Variants in LGALS14 observed in about 807,000 individuals in gnomAD.
LGALS14 encodes the protein galectin 14.
LGALS14 carries 14 observed loss-of-function variants against 14.6 expected under a neutral mutation model. That is an observed-to-expected ratio of 0.96 (90% CI 0.64 to 1.50). LGALS14 has a LOEUF of 1.50. LGALS14 is among the 40% of genes most tolerant of loss of function. LGALS14 has a pLI of 0.00. For synonymous variants in LGALS14, 57 were observed against 63.9 expected (o/e 0.89, Z 0.51); for missense variants, 180 against 172.0 (o/e 1.05, Z -0.26).
At chr19:39,707,496 C>T in intron 3 of LGALS14, 108 bp downstream of exon 3, 2 of 860,850 alleles carry the variant, frequency 2.3e-6, no homozygotes. Context: ...TCTTCCATAA[C>T]TATTCCTGTT....
At position 39,709,409 on chromosome 19, in the gene LGALS14, C is replaced by T. The variant is rs1191122319; in HGVS notation, c.*96C>T. 5 of 721,622 alleles carry T rather than the reference C, an allele frequency of 6.9e-6. No individual in the cohort carries two copies. Among genetic ancestry groups the T allele is most frequent in the Non-Finnish European group, 1.2e-5 (5 of 403,834 alleles). The allele number at this position is 721,622 out of a possible 1,614,324, so 44.7% of individuals were successfully genotyped here. A position where few individuals can be genotyped will look rare whatever the true frequency, so the allele number is the denominator to read the frequency against. On this transcript the variant is annotated 3_prime_UTR_variant, in exon 4 of 4. Transcript: ENST00000392052. ...CTAACAGAATAATCCCTCCTCACCC[C>T]TTCCCCTACACTTGATCATTAAAAC...
At chr19:39,708,774 C>A (rs1190908796) in intron 3 of LGALS14, among the ~76,000 whole-genome samples, 14 of 152,196 alleles carry the variant, frequency 9.2e-5, no homozygotes. Context: ...CAAAGAGGAA[C>A]TGTGCCATCA....
In LGALS14 at chr19:39,709,425, T is replaced by G; in HGVS notation, c.*112T>G. On this transcript the variant is annotated 3_prime_UTR_variant, in exon 4 of 4. Transcript: ENST00000392052. The stretch of plus-strand genomic sequence containing the variant: ...TCCTCACCCCTTCCCCTACACTTGA[T>G]CATTAAAACAGCACCAAACTTCACA... 4.5e-6 allele frequency: 3 copies of G among 665,370 alleles called. No homozygotes were observed. The South Asian group carries it at 5.3e-5, about 12-fold the overall frequency. 41.2% of individuals were successfully genotyped at this position (665,370 alleles called of 1,614,324 possible). A position where few individuals can be genotyped will look rare whatever the true frequency, so the allele number is the denominator to read the frequency against.
intron 1 of LGALS14, chr19:39,705,971 C>T (rs35541195): frequency 0.11 from 179,245 of 1,613,500 alleles, 11,127 homozygotes; most frequent in Non-Finnish European, 0.13. Flanking sequence ...TAATGTGTGC[C>T]GCTTCTGGGA....
chr19:39,706,013 C>G (rs745729402), intron 1 of LGALS14: 2 of 1,613,500 alleles, frequency 1.2e-6, no homozygotes, highest in Middle Eastern at 1.7e-4. Context: ...GATTGTGGTG[C>G]GTGTACATCC....
Position 39,707,328 on chromosome 19 carries a change from A to T in LGALS14, c.243A>T (p.Leu81Phe). The T allele has an allele frequency of 6.2e-7, 1 of 1,614,084 alleles. No homozygotes were observed. The highest frequency in any genetic ancestry group is 1.1e-5 in the South Asian group (1 of 91,084). Residue 81 changes from leucine to phenylalanine, a missense_variant, in exon 3 of 4, where the codon TTA becomes TTT. By Grantham distance (22) the Leu-to-Phe change is conservative. Transcript: ENST00000392052. ...GATATGAGGAGAAATGCTACTATTT[A>T]CCCTTTGAAGATGGCAAACCATTTG... The part of the protein sequence containing the change: ...IWRYEEKCYY[L>F]PFEDGKPFEL...
chr19:39,706,635 G>C lies in LGALS14; in HGVS notation c.54G>C (p.Ser18=). 6.2e-7 allele frequency: 1 copy of C among 1,613,952 alleles called. No homozygotes were observed. Among genetic ancestry groups the C allele is most frequent in the Non-Finnish European group, 8.5e-7 (1 of 1,179,876 alleles). Residue 18 remains serine (S), a synonymous_variant, in exon 2 of 4, where the codon TCG becomes TCC. Transcript: ENST00000392052. The stretch of plus-strand genomic sequence containing the variant: ...TGCCTGTTTCCTTGCCTGTTGGTTC[G>C]TGCGTGATAATCACAGGGACACCGA... ...YTLPVSLPVG[S]CVIITGTPIL...
chr19:39,708,616 C>A (rs145805732), intron 3 of LGALS14, among the ~76,000 whole-genome samples: 39 of 152,292 alleles, frequency 2.6e-4, no homozygotes, highest in African/African-American at 7.7e-4. Context: ...AGATTCACAT[C>A]TTATTCAGAT....
In LGALS14 at chr19:39,709,231, C is replaced by A. The variant is rs1024016388; in HGVS notation, c.338C>A (p.Ala113Asp). 2 of 1,613,130 alleles carry A rather than the reference C, an allele frequency of 1.2e-6. No homozygotes were observed. The highest frequency in any genetic ancestry group is 1.1e-5 in the South Asian group (1 of 91,048). Residue 113 changes from alanine (A) to aspartate (D), a missense_variant, in exon 4 of 4, where the codon GCC (alanine) becomes GAC (aspartate). By Grantham distance (126) the Ala-to-Asp change is moderately radical. Coordinates refer to ENST00000392052, the MANE Select transcript of LGALS14 (RefSeq NM_020129.3). ...AATGGCCAACGCATTTACAACTTTG[C>A]CCATCGATTCCCGCCAGCATCTGTG... ...MVNGQRIYNF[A>D]HRFPPASVKM... is the part of the protein sequence containing the mutation.
At chr19:39,707,065 C>G (rs750788215) in intron 2 of LGALS14, 113 bp from the exon 3 acceptor site, 19 of 796,370 alleles carry the variant, frequency 2.4e-5, no homozygotes, top group Admixed American at 4.0e-5. Context: ...ACTGCAGTAT[C>G]ATCGGGGAGA....
rs1385226108 is a variant in LGALS14, at chr19:39,709,063, G to C, written c.304-134G>C. ...AAACATAGCCTGTAAAATCACAGAA[G>C]TGTGTCTACTAGGTTCACTTGTGTA... is the stretch of plus-strand genomic sequence containing the variant. On this transcript the variant is annotated intron_variant, in intron 3 of 3. Coordinates refer to ENST00000392052, the MANE Select transcript of LGALS14 (RefSeq NM_020129.3). 33 of 697,902 alleles carry C rather than the reference G, an allele frequency of 4.7e-5. No homozygotes were observed. In the East Asian group the frequency reaches 7.7e-4, roughly 16 times the overall value. The allele number at this position is 697,902 out of a possible 1,614,324, so 43.2% of individuals were successfully genotyped here. A position where few individuals can be genotyped will look rare whatever the true frequency, so the allele number is the denominator to read the frequency against.
At chr19:39,706,331 A>C (rs551903830) in intron 1 of LGALS14, among the ~76,000 whole-genome samples, 6 of 152,138 alleles carry the variant, frequency 3.9e-5, no homozygotes, top group Admixed American at 2.0e-4. Context: ...AGGCAGGGAG[A>C]GGTTAAGTAA....
intron 1 of LGALS14, among the ~76,000 whole-genome samples, 197 bp from the exon 2 acceptor site, chr19:39,706,400 G>A (rs1161833536): frequency 1.3e-5 from 2 of 152,098 alleles, no homozygotes; most frequent in South Asian, 2.1e-4. Flanking sequence ...CCAGGCATCC[G>A]GGCTCTTGAA....
At chr19:39,705,897 T>C (rs1451302523) in intron 1 of LGALS14, 1 of 1,612,378 alleles carries the variant, frequency 6.2e-7, no homozygotes, top group South Asian at 1.1e-5. Flanking sequence ...AATCAATCAT[T>C]CCCTCCAGTT....
chr19:39,706,970 C>T (rs1017059328), intron 2 of LGALS14, among the ~76,000 whole-genome samples: 3 of 152,182 alleles, frequency 2.0e-5, no homozygotes, highest in East Asian at 1.9e-4. Flanking sequence ...CACTGACTGG[C>T]GCTCAGTTTT....
chr19:39,709,035 A>G (rs1973758562), intron 3 of LGALS14, among the ~76,000 whole-genome samples, 162 bp from the exon 4 acceptor site: 1 of 152,180 alleles, frequency 6.6e-6, no homozygotes, highest in Non-Finnish European at 1.5e-5. Context: ...TCAAATAGGC[A>G]CGAAACATAG....
intron 1 of LGALS14, among the ~76,000 whole-genome samples, 181 bp from the exon 2 acceptor site, chr19:39,706,416 G>C (rs1973715406): frequency 6.6e-6 from 1 of 152,088 alleles, no homozygotes; most frequent in Non-Finnish European, 1.5e-5. Flanking sequence ...TTGAACAATT[G>C]CTCTTACCTA....
rs754821791 is a variant in LGALS14, at chr19:39,706,700, G to A, written c.92+27G>A. On this transcript the variant is annotated intron_variant, in intron 2 of 3. Transcript: ENST00000392052. ...TGAGTACTCCATGGTCCAATGGAGGGGGTGGAGGAGAGAAGGGAGAATATT... is the reference window on the plus strand; with the variant it reads ...TGAGTACTCCATGGTCCAATGGAGGAGGTGGAGGAGAGAAGGGAGAATATT... The A allele has an allele frequency of 7.9e-6, 12 of 1,517,148 alleles. No individual in the cohort carries two copies. The African/African-American group carries it at 1.5e-4, about 19-fold the overall frequency. 94.0% of individuals were successfully genotyped at this position (1,517,148 alleles called of 1,614,324 possible).
At chr19:39,707,098 G>T (rs1273011286) in intron 2 of LGALS14, 80 bp from the exon 3 acceptor site, 7 of 1,129,224 alleles carry the variant, frequency 6.2e-6, no homozygotes, top group Non-Finnish European at 8.0e-6. Flanking sequence ...GGTAAAGGGG[G>T]GAAGGGATTT....
Sources: gnomAD v4.1 joint callset for allele counts (sites outside exome capture counted in the v4.1 genomes callset) on GRCh38, gnomAD v4.1.1 for gene constraint, MANE v1.5 for transcripts, NCBI Gene and HGNC (gene_info 2026-07-23, HGNC 2026-07-21) for gene names.